DMRT1: variants seen among roughly 807,000 people sequenced by gnomAD.
The protein encoded by DMRT1 is doublesex- and mab-3-related transcription factor 1.
Under a neutral mutation model 32.3 loss-of-function variants are expected in DMRT1, and 7 were observed. That is an observed-to-expected ratio of 0.22 (90% CI 0.12 to 0.41). The LOEUF (loss-of-function observed/expected upper bound fraction) is 0.41. DMRT1 is among the 10% of genes least tolerant of loss of function. The pLI is 1.00. For synonymous variants in DMRT1, 278 were observed against 206.1 expected, an observed-to-expected ratio of 1.35 and a Z score of -2.99; for missense variants, 625 against 500.5, an observed-to-expected ratio of 1.25 and a Z score of -2.37.
In DMRT1 at chr9:914,017, C is replaced by T. The variant is rs1306715949; in HGVS notation, c.823-2746C>T. Among the ~76,000 whole-genome samples the T allele has an allele frequency of 4.6e-5, 7 of 152,220 alleles. No homozygotes were observed. The East Asian group carries it at 1.4e-3, about 29-fold the overall frequency. ...ATCAGCATCTCCAGCCCAGTCTTACCATCAGGACCTGCATTTTAACAGGAC... is the reference window on the plus strand; with the variant it reads ...ATCAGCATCTCCAGCCCAGTCTTACTATCAGGACCTGCATTTTAACAGGAC... On this transcript the variant is annotated intron_variant, in intron 3 of 4. Transcript: ENST00000382276.
intron 2 of DMRT1, among the ~76,000 whole-genome samples, chr9:856,366 G>T (rs1453638022): frequency 6.6e-6 from 1 of 152,124 alleles, no homozygotes; most frequent in African/African-American, 2.4e-5. Flanking sequence ...CAAGAATCTG[G>T]TTTTGGAACA....
chr9:886,338 C>T (rs1247659679), intron 2 of DMRT1, among the ~76,000 whole-genome samples: 2 of 152,170 alleles, frequency 1.3e-5, no homozygotes, highest in Non-Finnish European at 2.9e-5. Context: ...TCACTGCAAC[C>T]TCCGCCTCCT....
intron 2 of DMRT1, among the ~76,000 whole-genome samples, chr9:876,097 C>G (rs1442275125): frequency 6.6e-6 from 1 of 152,140 alleles, no homozygotes; most frequent in Non-Finnish European, 1.5e-5. Context: ...GAGCAGTTAG[C>G]CCTAGGGACA....
chr9:954,413 A>G (rs1819527555), intron 4 of DMRT1, among the ~76,000 whole-genome samples: 1 of 151,938 alleles, frequency 6.6e-6, no homozygotes, highest in African/African-American at 2.4e-5. Context: ...GAAAGGAAGG[A>G]TATGTGTAAG....
chr9:875,381 T>C (rs1816453371), intron 2 of DMRT1, among the ~76,000 whole-genome samples: 1 of 152,148 alleles, frequency 6.6e-6, no homozygotes, highest in South Asian at 2.1e-4. Context: ...TTTAGAGTCT[T>C]TGTCCTTCCC....
intron 2 of DMRT1, among the ~76,000 whole-genome samples, chr9:851,964 C>A (rs1246347309): frequency 6.9e-6 from 1 of 144,010 alleles, no homozygotes; most frequent in Non-Finnish European, 1.5e-5. Context: ...TTTTTTGAGA[C>A]AGTCTCACTC....
At chr9:852,961 T>C (rs1169955033) in intron 2 of DMRT1, among the ~76,000 whole-genome samples, 3 of 152,218 alleles carry the variant, frequency 2.0e-5, no homozygotes, top group Admixed American at 6.5e-5. Context: ...TTTAAGTGCT[T>C]AAAAGTTCAT....
rs918287966 is a variant in DMRT1 at position 846,998 on chromosome 9, G to T, written c.393G>T (p.Leu131Phe). The change falls in exon 2 of 5, where the codon TTG becomes TTT. Residue 131 changes from leucine (L) to phenylalanine (F), a missense_variant. Coordinates refer to ENST00000382276, the MANE Select transcript of DMRT1 (RefSeq NM_021951.3). ...GGCAGCAGGCCCAGGAGGAGGAATTGGGTATCAGCCACCCCATCCCACTGC... is the reference window on the plus strand; with the variant it reads ...GGCAGCAGGCCCAGGAGGAGGAATTTGGTATCAGCCACCCCATCCCACTGC... ...LRRQQAQEEE[L>F]GISHPIPLPS... The T allele has an allele frequency of 4.3e-6, 7 of 1,614,066 alleles. No individual in the cohort carries two copies. The African/African-American group carries it at 8.0e-5, about 18-fold the overall frequency.
In DMRT1 at chr9:965,192, G is replaced by A. The variant is rs1204679927; in HGVS notation, c.968-2793G>A. ...GGAAAAACACACTAAATCTTTTCAC[G>A]TACCTAGAACTCTATGAGGGGCTAT... On this transcript the variant is annotated intron_variant, in intron 4 of 4. Transcript: ENST00000382276. The surrounding 1 kb of genome is among the most constrained non-coding windows in gnomAD (Gnocchi z 4.5). 6.6e-6 allele frequency among the ~76,000 whole-genome samples: 1 copy of A among 152,162 alleles called. No homozygotes were observed. Among genetic ancestry groups the A allele is most frequent in the Non-Finnish European group, 1.5e-5 (1 of 68,034 alleles).
intron 4 of DMRT1, among the ~76,000 whole-genome samples, chr9:962,491 C>T (rs1335442708): frequency 2.1e-5 from 3 of 141,358 alleles, no homozygotes; most frequent in African/African-American, 8.0e-5. Context: ...CTCCATGAAA[C>T]AAGCAGGGAA....
chr9:871,278 T>A lies in DMRT1; in HGVS notation c.539-22634T>A, dbSNP rs576464880. On this transcript the variant is annotated intron_variant, in intron 2 of 4. Coordinates refer to ENST00000382276, the MANE Select transcript of DMRT1 (RefSeq NM_021951.3). Reference sequence around the variant, plus strand: ...ATTGAGCTCGAGCAATTCTCCACCTTGGCCTCCCAAAGTGCTGGGATTACA... The same window carrying A: ...ATTGAGCTCGAGCAATTCTCCACCTAGGCCTCCCAAAGTGCTGGGATTACA... Among the ~76,000 whole-genome samples the A allele has an allele frequency of 2.6e-5, 4 of 151,504 alleles. 1 individual carries two copies. In the South Asian group the frequency reaches 8.4e-4, roughly 32 times the overall value.
chr9:841,955 G>C lies in DMRT1; in HGVS notation c.117G>C (p.Val39=), dbSNP rs748564058. 3.0e-5 allele frequency: 48 copies of C among 1,597,286 alleles called. 1 individual carries two copies. The South Asian group carries it at 4.2e-4, about 14-fold the overall frequency. The change falls in exon 1 of 5, where the codon GTG becomes GTC. Residue 39 remains valine, a synonymous_variant. Coordinates refer to ENST00000382276, the MANE Select transcript of DMRT1 (RefSeq NM_021951.3). The part of the protein sequence containing the change: ...GGFGKASGAL[V]GAASGSSAGG... Reference sequence around the variant, plus strand: ...TTGGCAAAGCGTCTGGGGCGCTAGTGGGGGCGGCCAGCGGCTCGAGCGCCG... The same window carrying C: ...TTGGCAAAGCGTCTGGGGCGCTAGTCGGGGCGGCCAGCGGCTCGAGCGCCG...
intron 4 of DMRT1, among the ~76,000 whole-genome samples, chr9:926,449 T>C (rs1198171633): frequency 6.6e-6 from 1 of 152,196 alleles, no homozygotes; most frequent in Non-Finnish European, 1.5e-5. Flanking sequence ...TGTTAAGTGA[T>C]TACATATTCT....
At position 841,956 on chromosome 9, in the gene DMRT1, G is replaced by C. The variant is rs1240985810; in HGVS notation, c.118G>C (p.Gly40Arg). Residue 40 changes from glycine (G) to arginine (R), a missense_variant, in exon 1 of 5, where the codon GGG becomes CGG. Physicochemically the swap from Gly to Arg is moderately radical, Grantham distance 125. Transcript: ENST00000382276. ...GFGKASGALV[G>R]AASGSSAGGS... ...TGGCAAAGCGTCTGGGGCGCTAGTG[G>C]GGGCGGCCAGCGGCTCGAGCGCCGG... is the stretch of plus-strand genomic sequence containing the variant. 5 of 1,596,102 alleles carry C rather than the reference G, an allele frequency of 3.1e-6. No homozygotes were observed. Among genetic ancestry groups the C allele is most frequent in the Non-Finnish European group, 4.3e-6 (5 of 1,172,044 alleles).
intron 2 of DMRT1, among the ~76,000 whole-genome samples, chr9:891,923 C>T (rs758510780): frequency 3.9e-5 from 6 of 152,206 alleles, no homozygotes; most frequent in Non-Finnish European, 7.3e-5. Context: ...CTGTGTCTGG[C>T]AGTGTGCTAA....
intron 2 of DMRT1, among the ~76,000 whole-genome samples, chr9:878,624 A>G (rs1272849771): frequency 1.3e-5 from 2 of 152,154 alleles, no homozygotes; most frequent in African/African-American, 4.8e-5. Context: ...GGCCAGGTGC[A>G]GCCCAGCCCT....
intron 4 of DMRT1, among the ~76,000 whole-genome samples, chr9:925,659 C>G (rs531990717): frequency 1.2e-3 from 178 of 152,274 alleles, no homozygotes; most frequent in African/African-American, 4.2e-3. Flanking sequence ...CATTTCCTTC[C>G]TTTTCTTTTT....
chr9:904,682 C>T (rs1817702901), intron 3 of DMRT1, among the ~76,000 whole-genome samples: 1 of 152,296 alleles, frequency 6.6e-6, no homozygotes, highest in African/African-American at 2.4e-5. Flanking sequence ...CTATGGCTCA[C>T]GCCTGTAATC....
intron 4 of DMRT1, among the ~76,000 whole-genome samples, chr9:944,973 T>A (rs1819195369): frequency 6.6e-6 from 1 of 152,066 alleles, no homozygotes; most frequent in Non-Finnish European, 1.5e-5. Flanking sequence ...ATCTGGGGAA[T>A]TGTCCAGACC....
Sources: gnomAD v4.1 joint callset for allele counts (sites outside exome capture counted in the v4.1 genomes callset) on GRCh38, gnomAD v4.1.1 for gene constraint, Gnocchi (gnomAD v3.1) non-coding constraint, MANE v1.5 for transcripts, NCBI Gene and HGNC (gene_info 2026-07-23, HGNC 2026-07-21) for gene names.